NPR1: variants seen among roughly 807,000 people sequenced by gnomAD.
The protein encoded by NPR1 is natriuretic peptide receptor 1, also known as atrial natriuretic peptide receptor 1.
A neutral mutation model predicts 116.9 loss-of-function variants in NPR1; 57 were observed. The ratio of observed to expected loss-of-function variants is 0.49; its 90% CI spans 0.39 to 0.61. The LOEUF (loss-of-function observed/expected upper bound fraction) is 0.61, where lower values mean the gene tolerates loss of function less well. NPR1 is among the 20% of genes least tolerant of loss of function. The probability of loss-of-function intolerance (pLI) is 0.00; values close to 1 mark genes in which losing one functional copy is unlikely to be tolerated. For missense variants in NPR1, 1,096 were observed against 1,409.8 expected, an observed-to-expected ratio of 0.78 and a Z score of 3.56; for synonymous variants, 555 against 601.6, an observed-to-expected ratio of 0.92 and a Z score of 1.13.
At chr1:153,693,049 C>G in intron 20 of NPR1, 57 bp from the exon 21 acceptor site, 1 of 1,417,532 alleles carries the variant, frequency 7.1e-7, no homozygotes, top group Non-Finnish European at 9.8e-7. Flanking sequence ...TTTGCCTCTA[C>G]TTTCCTGCTC....
chr1:153,683,290 G>T (rs1229955414), intron 5 of NPR1, 86 bp from the exon 6 acceptor site: 25 of 1,466,296 alleles, frequency 1.7e-5, no homozygotes, highest in Non-Finnish European at 2.3e-5. Flanking sequence ...AAGCAGAGCT[G>T]GGGTAGGTGG....
Position 153,679,540 on chromosome 1 carries a change from G to A in NPR1, c.432G>A (p.Leu144=), listed in dbSNP as rs1386889448. The A allele has an allele frequency of 1.3e-6, 2 of 1,541,358 alleles. No individual in the cohort carries two copies. The highest frequency in any genetic ancestry group is 3.9e-5 in the Admixed American group (2 of 51,212). The change falls in exon 1 of 22, where the codon CTG becomes CTA. Residue 144 remains leucine (L), a synonymous_variant. Transcript: ENST00000368680. The surrounding 1 kb of genome is among the most constrained non-coding windows in gnomAD (Gnocchi z 4.2). ...VPLLTAGAPA[L]GFGVKDEYAL... Reference sequence around the variant, plus strand: ...TGCTGACCGCCGGCGCCCCGGCGCTGGGCTTCGGTGTCAAGGACGAGTATG... The same window carrying A: ...TGCTGACCGCCGGCGCCCCGGCGCTAGGCTTCGGTGTCAAGGACGAGTATG...
intron 14 of NPR1, 114 bp from the exon 15 acceptor site, chr1:153,687,939 C>G (rs1370983317): frequency 9.2e-7 from 1 of 1,084,654 alleles, no homozygotes; most frequent in African/African-American, 1.6e-5. Flanking sequence ...TGACCAGTCC[C>G]CCGCCCCCAT....
At position 153,689,547 on chromosome 1, in the gene NPR1, G is replaced by C. The variant is rs1214831870; in HGVS notation, c.2757+26G>C. 5 of 1,601,650 alleles carry C rather than the reference G, an allele frequency of 3.1e-6. No individual in the cohort carries two copies. The highest frequency in any genetic ancestry group is 4.5e-5 in the East Asian group (2 of 44,850). Reference sequence around the variant, plus strand: ...GTGAGGGTGGGAGTGGGGATGGGAAGGGACAGACAGACATGGACAAGGTCA... The same window carrying C: ...GTGAGGGTGGGAGTGGGGATGGGAACGGACAGACAGACATGGACAAGGTCA... On this transcript the variant is annotated intron_variant, in intron 18 of 21. Transcript: ENST00000368680. This position sits in a 1 kb window ranked among gnomAD's most constrained non-coding sequence, Gnocchi z 5.1.
chr1:153,681,016 C>T, intron 2 of NPR1, 164 bp from the exon 3 acceptor site: 1 of 607,170 alleles, frequency 1.6e-6, no homozygotes, highest in Non-Finnish European at 2.9e-6. Context: ...ATTGGATCCC[C>T]TGCTTTGGAA....
At chr1:153,685,721 A>G (rs1024844797) in intron 8 of NPR1, 85 bp from the exon 9 acceptor site, 1 of 1,032,884 alleles carries the variant, frequency 9.7e-7, no homozygotes, top group Non-Finnish European at 1.5e-6. Context: ...AGGATAAGGC[A>G]GGGAAATAAA....
intron 13 of NPR1, 40 bp downstream of exon 13, chr1:153,687,396 C>T (rs1275064484): frequency 1.2e-6 from 2 of 1,606,656 alleles, no homozygotes. Context: ...GCCCCCAGCA[C>T]CACCCAGTAG....
intron 7 of NPR1, 150 bp from the exon 8 acceptor site, chr1:153,684,814 A>G: frequency 1.8e-6 from 2 of 1,103,938 alleles, no homozygotes; most frequent in Non-Finnish European, 2.6e-6. Context: ...AATTTCCCCC[A>G]GCCATCCTGA....
chr1:153,683,435 G>T lies in NPR1; in HGVS notation c.1323G>T (p.Leu441=). Residue 441 remains leucine (L), a synonymous_variant, in exon 6 of 22, where the codon CTG becomes CTT. Transcript: ENST00000368680. ...TGGTGGCTGTGTCGGGGCGCAAACT[G>T]AACTGGCCCCTGGGGTACCCTCCTC... ...QELVAVSGRK[L]NWPLGYPPPD... 6.2e-7 allele frequency: 1 copy of T among 1,614,200 alleles called. No homozygotes were observed. The highest frequency in any genetic ancestry group is 8.5e-7 in the Non-Finnish European group (1 of 1,180,040).
At position 153,679,735 on chromosome 1, in the gene NPR1, C is replaced by T. The variant is rs759421094; in HGVS notation, c.627C>T (p.Asp209=). Residue 209 remains aspartate, a synonymous_variant, in exon 1 of 22, where the codon GAC becomes GAT. Coordinates refer to ENST00000368680, the MANE Select transcript of NPR1 (RefSeq NM_000906.4). The surrounding 1 kb of genome is among the most constrained non-coding windows in gnomAD (Gnocchi z 4.2). Reference sequence around the variant, plus strand: ...AGGGGCTGTTCATGCGGGTCCGCGACCGCCTCAATATTACGGTGGACCACC... The same window carrying T: ...AGGGGCTGTTCATGCGGGTCCGCGATCGCCTCAATATTACGGTGGACCACC... The part of the protein sequence containing the change: ...LVEGLFMRVR[D]RLNITVDHLE... 2 of 1,602,316 alleles carry T rather than the reference C, an allele frequency of 1.2e-6. No homozygotes were observed. Among genetic ancestry groups the T allele is most frequent in the Non-Finnish European group, 1.7e-6 (2 of 1,177,128 alleles).
intron 9 of NPR1, 105 bp downstream of exon 9, chr1:153,685,985 A>C: frequency 7.2e-7 from 1 of 1,385,136 alleles, no homozygotes; most frequent in Middle Eastern, 2.2e-4. Context: ...GGTGGGGAGC[A>C]GCAGATGGGG....
rs1211890775 is a variant in NPR1 at position 153,679,738 on chromosome 1, C to T, written c.630C>T (p.Arg210=). ...VEGLFMRVRD[R]LNITVDHLEF... is the part of the protein sequence containing the mutation. ...GGCTGTTCATGCGGGTCCGCGACCG[C>T]CTCAATATTACGGTGGACCACCTGG... The change falls in exon 1 of 22, where the codon CGC becomes CGT. Residue 210 remains arginine, a synonymous_variant. Coordinates refer to ENST00000368680, the MANE Select transcript of NPR1 (RefSeq NM_000906.4). The surrounding 1 kb of genome is among the most constrained non-coding windows in gnomAD (Gnocchi z 4.2). The T allele has an allele frequency of 1.9e-6, 3 of 1,600,810 alleles. No individual in the cohort carries two copies. Among genetic ancestry groups the T allele is most frequent in the African/African-American group, 1.3e-5 (1 of 74,916 alleles).
chr1:153,689,166 T>C lies in NPR1; in HGVS notation c.2565-22T>C, dbSNP rs2101738273. 1.2e-6 allele frequency: 2 copies of C among 1,614,170 alleles called. No homozygotes were observed. The highest frequency in any genetic ancestry group is 4.5e-5 in the East Asian group (2 of 44,888). On this transcript the variant is annotated intron_variant, in intron 16 of 21. Transcript: ENST00000368680. The surrounding 1 kb of genome is among the most constrained non-coding windows in gnomAD (Gnocchi z 5.1). ...CTGTCCCGACCCCCAACTCTGATCC[T>C]GCACCTGCCCTGACCCCTTAGCTCA...
At chr1:153,680,907 G>T in intron 2 of NPR1, 1 of 611,398 alleles carries the variant, frequency 1.6e-6, no homozygotes, top group Non-Finnish European at 2.9e-6. Context: ...CTGCCCAGGG[G>T]CGCTTCGCCA....
Position 153,689,301 on chromosome 1 carries a change from C to G in NPR1, c.2678C>G (p.Thr893Arg). The change falls in exon 17 of 22, where the codon ACA becomes AGA. Residue 893 changes from threonine (T) to arginine (R), a missense_variant. Thr to Arg is a moderately conservative substitution (Grantham distance 71). Coordinates refer to ENST00000368680, the MANE Select transcript of NPR1 (RefSeq NM_000906.4). This position sits in a 1 kb window ranked among gnomAD's most constrained non-coding sequence, Gnocchi z 5.1. ...VGFTALSAES[T>R]PMQVVTLLND... ...TTCACAGCGCTGTCGGCGGAGAGCA[C>G]ACCCATGCAGGTAGGCCAGGGTTCA... The G allele has an allele frequency of 6.2e-7, 1 of 1,614,222 alleles. No individual in the cohort carries two copies. The highest frequency in any genetic ancestry group is 8.5e-7 in the Non-Finnish European group (1 of 1,180,038).
chr1:153,686,613 CTG>C, intron 10 of NPR1, 31 bp from the exon 11 acceptor site: 1 of 1,577,336 alleles, frequency 6.3e-7, no homozygotes, highest in South Asian at 1.1e-5. Flanking sequence ...AGCGAGGTCT[CTG>C]TCAAGCTCCT....
intron 19 of NPR1, 66 bp from the exon 20 acceptor site, chr1:153,690,218 C>A: frequency 7.9e-7 from 1 of 1,269,448 alleles, no homozygotes; most frequent in Non-Finnish European, 1.1e-6. Flanking sequence ...TGTCCACCTA[C>A]CTCCCTTAAC....
Position 153,689,983 on chromosome 1 carries a change from A to G in NPR1, c.2932+3A>G. ...CTTGCGCATTGGCATCCACACAGGTAAGGCCACTGAAGGTGCAGGCGGGCA... is the reference window on the plus strand; with the variant it reads ...CTTGCGCATTGGCATCCACACAGGTGAGGCCACTGAAGGTGCAGGCGGGCA... On this transcript the variant is annotated splice_donor_region_variant and intron_variant, in intron 19 of 21. Coordinates refer to ENST00000368680, the MANE Select transcript of NPR1 (RefSeq NM_000906.4). The surrounding 1 kb of genome is among the most constrained non-coding windows in gnomAD (Gnocchi z 5.1). The G allele has an allele frequency of 6.7e-7, 1 of 1,502,772 alleles. No homozygotes were observed. The highest frequency in any genetic ancestry group is 1.3e-5 in the South Asian group (1 of 79,460). 93.1% of individuals were successfully genotyped at this position (1,502,772 alleles called of 1,614,324 possible).
intron 9 of NPR1, 103 bp from the exon 10 acceptor site, chr1:153,686,020 C>T: frequency 7.1e-7 from 1 of 1,411,288 alleles, no homozygotes; most frequent in Admixed American, 1.8e-5. Flanking sequence ...CTATTGGGAA[C>T]AAGTGAGGGT....
Sources: allele counts gnomAD v4.1 joint callset, GRCh38; gene constraint gnomAD v4.1.1; non-coding constraint Gnocchi (gnomAD v3.1); transcripts MANE v1.5; gene names NCBI Gene and HGNC (gene_info 2026-07-23, HGNC 2026-07-21).